HYAL4: variants seen among roughly 807,000 people sequenced by gnomAD.
The protein encoded by HYAL4 is hyaluronidase 4, also known as hyaluronidase-4.
Under a neutral mutation model 35.2 loss-of-function variants are expected in HYAL4, and 37 were observed. The ratio of observed to expected loss-of-function variants is 1.05; its 90% CI spans 0.81 to 1.38. The LOEUF is 1.38. Among genes scored for constraint, HYAL4 ranks in the 40% most tolerant of loss-of-function variants. The pLI is 0.00. For missense variants in HYAL4, 572 were observed against 572.4 expected, an observed-to-expected ratio of 1.00 and a Z score of 0.01; for synonymous variants, 198 against 203.2, an observed-to-expected ratio of 0.97 and a Z score of 0.22.
the HYAL4 span, among the ~76,000 whole-genome samples, chr7:123,794,881 C>A: frequency 6.6e-6 from 1 of 152,192 alleles, no homozygotes; most frequent in African/African-American, 2.4e-5. Context: ...GTCCTCCTGA[C>A]CCCAGAATAG....
At chr7:123,791,375 T>C in the HYAL4 span, among the ~76,000 whole-genome samples, 6 of 152,364 alleles carry the variant, frequency 3.9e-5, no homozygotes, top group African/African-American at 9.6e-5. Context: ...AAATGATTTA[T>C]TGTCTGTGTA....
chr7:123,810,154 A>G, the HYAL4 span, among the ~76,000 whole-genome samples: 3 of 152,186 alleles, frequency 2.0e-5, no homozygotes, highest in Non-Finnish European at 4.4e-5. Context: ...CCCAAATACT[A>G]GGTTGCTTCT....
chr7:123,837,031 C>G (rs949241155), intron 1 of HYAL4, among the ~76,000 whole-genome samples: 3 of 150,866 alleles, frequency 2.0e-5, no homozygotes, highest in Non-Finnish European at 4.4e-5. Flanking sequence ...AAAACAAAAA[C>G]AGAAACAAAA....
exon 1 of HYAL4, chr7:123,829,000 G>A (rs558813009): frequency 1.2e-4 from 18 of 152,752 alleles, no homozygotes; most frequent in African/African-American, 2.2e-4. Flanking sequence ...GGGCCTTTGG[G>A]CCATTATGCT....
At chr7:123,829,823 C>T (rs1805853444) in intron 1 of HYAL4, among the ~76,000 whole-genome samples, 1 of 151,990 alleles carries the variant, frequency 6.6e-6, no homozygotes, top group Non-Finnish European at 1.5e-5. Context: ...AAAGTGAGAC[C>T]CCGTCTCAAA....
intron 2 of HYAL4, among the ~76,000 whole-genome samples, chr7:123,861,642 G>T (rs1377449742): frequency 6.6e-6 from 1 of 152,078 alleles, no homozygotes; most frequent in East Asian, 1.9e-4. Flanking sequence ...AGGCCTTTCA[G>T]ACTGAATAAT....
chr7:123,805,419 A>G, the HYAL4 span, among the ~76,000 whole-genome samples: 10 of 152,346 alleles, frequency 6.6e-5, no homozygotes, highest in Non-Finnish European at 1.2e-4. Context: ...TTGTAAAGTT[A>G]TTACATTTTT....
At chr7:123,812,715 C>G in the HYAL4 span, among the ~76,000 whole-genome samples, 3 of 152,052 alleles carry the variant, frequency 2.0e-5, no homozygotes, top group Admixed American at 6.6e-5. Context: ...ACGCAATGTG[C>G]AGTCATGACC....
chr7:123,856,276 T>G (rs943869039), intron 2 of HYAL4, among the ~76,000 whole-genome samples: 1 of 152,028 alleles, frequency 6.6e-6, no homozygotes, highest in Non-Finnish European at 1.5e-5. Context: ...GGAGGCATTT[T>G]GGTTTTTGTA....
chr7:123,782,470 A>G, the HYAL4 span, among the ~76,000 whole-genome samples: 800 of 152,234 alleles, frequency 5.3e-3, 3 homozygotes, highest in Non-Finnish European at 7.5e-3. Context: ...ATTGACATAA[A>G]ATAGTTTTAT....
intron 1 of HYAL4, among the ~76,000 whole-genome samples, chr7:123,837,258 T>C (rs990735755): frequency 6.6e-6 from 1 of 152,220 alleles, no homozygotes; most frequent in Non-Finnish European, 1.5e-5. Flanking sequence ...TTGTAAGGTT[T>C]CTGCTGGGAA....
At chr7:123,800,044 C>T in the HYAL4 span, among the ~76,000 whole-genome samples, 2 of 152,184 alleles carry the variant, frequency 1.3e-5, no homozygotes, top group East Asian at 3.9e-4. Flanking sequence ...CCTGTAGTTT[C>T]AGCTATTGGA....
At chr7:123,820,529 G>A in the HYAL4 span, among the ~76,000 whole-genome samples, 25 of 150,982 alleles carry the variant, frequency 1.7e-4, no homozygotes, top group South Asian at 2.1e-3. Flanking sequence ...TTGGCGGTGA[G>A]TCAAGATTGT....
chr7:123,853,471 A>G (rs562850191), intron 2 of HYAL4, among the ~76,000 whole-genome samples: 24 of 152,342 alleles, frequency 1.6e-4, no homozygotes, highest in African/African-American at 5.5e-4. Flanking sequence ...CCTTTTCGGC[A>G]TCTATTGAGA....
chr7:123,783,482 G>A, the HYAL4 span, among the ~76,000 whole-genome samples: 2 of 152,238 alleles, frequency 1.3e-5, no homozygotes, highest in East Asian at 3.9e-4. Context: ...TTAAAACATA[G>A]AGAAGGAATT....
intron 1 of HYAL4, among the ~76,000 whole-genome samples, chr7:123,847,529 G>A (rs1381479681): frequency 1.3e-5 from 2 of 152,090 alleles, no homozygotes; most frequent in Non-Finnish European, 2.9e-5. Context: ...TGTAATCCCA[G>A]CACTTTGGGA....
intron 1 of HYAL4, among the ~76,000 whole-genome samples, chr7:123,832,092 T>G (rs1177431573): frequency 6.6e-6 from 1 of 152,122 alleles, no homozygotes; most frequent in Non-Finnish European, 1.5e-5. Context: ...GGGTCAAATG[T>G]CTCTACTGCT....
the HYAL4 span, among the ~76,000 whole-genome samples, chr7:123,780,618 G>C: frequency 6.6e-6 from 1 of 152,170 alleles, no homozygotes; most frequent in East Asian, 1.9e-4. Context: ...CCTCCAATAT[G>C]GTTGCCACTG....
intron 2 of HYAL4, among the ~76,000 whole-genome samples, chr7:123,849,295 C>CTT (rs1806246405): frequency 2.0e-5 from 3 of 151,850 alleles, no homozygotes; most frequent in Non-Finnish European, 4.4e-5. Flanking sequence ...CCCTCTCTCT[C>CTT]TCTCTTTCTC....
Sources: gnomAD v4.1 joint callset for allele counts (sites outside exome capture counted in the v4.1 genomes callset) on GRCh38, gnomAD v4.1.1 for gene constraint, MANE v1.5 for transcripts, NCBI Gene and HGNC (gene_info 2026-07-23, HGNC 2026-07-21) for gene names.